PGM2: variants seen among roughly 807,000 people sequenced by gnomAD.
PGM2 encodes phosphoglucomutase 2.
PGM2 carries 57 observed loss-of-function variants against 74.6 expected under a neutral mutation model. The observed-to-expected ratio is 0.76, with a 90% CI of 0.62 to 0.95. The LOEUF is 0.95. PGM2 is among the 40% of genes least tolerant of loss of function. The pLI is 0.00. For synonymous variants in PGM2, 273 were observed against 260.7 expected (o/e 1.05, Z -0.46); for missense variants, 706 against 741.9 (o/e 0.95, Z 0.56).
At chr4:37,845,109 T>G (rs181968875) in intron 7 of PGM2, among the ~76,000 whole-genome samples, 2 of 152,214 alleles carry the variant, frequency 1.3e-5, no homozygotes, top group East Asian at 3.9e-4. Flanking sequence ...ATTCAGTTAA[T>G]TTAATTTAAT....
At chr4:37,859,150 A>G (rs141844422) in intron 13 of PGM2, among the ~76,000 whole-genome samples, 27 of 152,274 alleles carry the variant, frequency 1.8e-4, no homozygotes, top group African/African-American at 5.8e-4. Flanking sequence ...CTCACCATAT[A>G]TGTTATGTAT....
At chr4:37,836,759 T>C (rs911641287) in intron 3 of PGM2, among the ~76,000 whole-genome samples, 1 of 152,218 alleles carries the variant, frequency 6.6e-6, no homozygotes, top group Non-Finnish European at 1.5e-5. Context: ...TGCCATTTTC[T>C]GCGTCTTACC....
intron 3 of PGM2, among the ~76,000 whole-genome samples, chr4:37,836,971 G>A (rs1027589446): frequency 6.6e-6 from 1 of 152,156 alleles, no homozygotes; most frequent in African/African-American, 2.4e-5. Flanking sequence ...ACGCTGGATT[G>A]TGATAGGCTT....
At position 37,850,185 on chromosome 4, in the gene PGM2, T is replaced by G. The variant is rs200688556; in HGVS notation, c.1414T>G (p.Tyr472Asp). Reference protein sequence around the residue: ...SQQLKAIYVEYGYHITKASYF... With the variant: ...SQQLKAIYVEDGYHITKASYF... ...CATGAATTTGTATTTGTTTGATAGG[T>G]ATGGCTACCATATTACTAAAGCTTC... Residue 472 changes from tyrosine (Y) to aspartate (D), a missense_variant and splice_region_variant, in exon 12 of 14, where the codon TAT becomes GAT. Tyr to Asp is a radical substitution (Grantham distance 160, BLOSUM62 -3). Around this residue, in one of 3 missense-constraint regions of PGM2, gnomAD observed 359 missense variants for 371.1 expected, o/e 0.97. Coordinates refer to ENST00000381967, the MANE Select transcript of PGM2 (RefSeq NM_018290.4). 126 of 1,532,920 alleles carry G rather than the reference T, an allele frequency of 8.2e-5. No individual in the cohort carries two copies. Among genetic ancestry groups the G allele is most frequent in the Non-Finnish European group, 1.1e-4 (121 of 1,131,380 alleles). 95.0% of individuals were successfully genotyped at this position (1,532,920 alleles called of 1,614,324 possible).
At chr4:37,839,463 G>A (rs1280429622) in intron 4 of PGM2, 1 of 428,746 alleles carries the variant, frequency 2.3e-6, no homozygotes, top group Non-Finnish European at 4.6e-6. Flanking sequence ...GAGAAAGGAG[G>A]AGAGGGAGAA....
chr4:37,852,599 A>T (rs1473052277), intron 12 of PGM2, among the ~76,000 whole-genome samples: 1 of 152,226 alleles, frequency 6.6e-6, no homozygotes, highest in South Asian at 2.1e-4. Context: ...CACTTCACTG[A>T]CTCACAGTTT....
intron 3 of PGM2, 91 bp from the exon 4 acceptor site, chr4:37,837,438 A>C (rs1725596948): frequency 2.5e-6 from 2 of 811,830 alleles, no homozygotes; most frequent in Non-Finnish European, 4.4e-6. Flanking sequence ...ATTCACCCTA[A>C]AGAACATTCA....
rs1478631758 is a variant in PGM2, at chr4:37,839,110, AATT to A, written c.442-737_442-735del. Reference sequence around the variant, plus strand: ...TGTAAGAGCATTCTCCATTCCCTCAAATTTTTTTTTTTTTTTTTTTTTTTTGAG... The same window carrying A: ...TGTAAGAGCATTCTCCATTCCCTCAATTTTTTTTTTTTTTTTTTTTTTGAG... On this transcript the variant is annotated intron_variant, in intron 4 of 13. Coordinates refer to ENST00000381967, the MANE Select transcript of PGM2 (RefSeq NM_018290.4). Among the ~76,000 whole-genome samples the A allele has an allele frequency of 9.3e-5, 12 of 129,584 alleles. No individual in the cohort carries two copies. The East Asian group carries it at 1.9e-3, about 20-fold the overall frequency. 85.0% of individuals were successfully genotyped at this position (129,584 alleles called of 152,430 possible).
chr4:37,855,510 G>C (rs903607424), intron 12 of PGM2, 98 bp from the exon 13 acceptor site: 1 of 1,065,390 alleles, frequency 9.4e-7, no homozygotes, highest in South Asian at 1.7e-5. Flanking sequence ...CTAACCAATA[G>C]ATTTGTTTGG....
intron 4 of PGM2, among the ~76,000 whole-genome samples, chr4:37,838,665 A>G (rs968829015): frequency 6.6e-6 from 1 of 152,132 alleles, no homozygotes; most frequent in Non-Finnish European, 1.5e-5. Context: ...TAGACACTCT[A>G]TTCACATCTA....
chr4:37,850,333 T>G lies in PGM2; in HGVS notation c.1562T>G (p.Leu521Arg), dbSNP rs768629804. The G allele has an allele frequency of 6.3e-7, 1 of 1,578,132 alleles. No homozygotes were observed. The highest frequency in any genetic ancestry group is 1.2e-5 in the South Asian group (1 of 83,394). Reference sequence around the variant, plus strand: ...TTTGAAATTTCTGCCATTAGGGACCTTACAACTGGCTATGATGATAGCCAA... The same window carrying G: ...TTTGAAATTTCTGCCATTAGGGACCGTACAACTGGCTATGATGATAGCCAA... The part of the protein sequence containing the change: ...GKFEISAIRD[L>R]TTGYDDSQPD... The change falls in exon 12 of 14, where the codon CTT (leucine) becomes CGT (arginine). Residue 521 changes from leucine to arginine, a missense_variant. Coordinates refer to ENST00000381967, the MANE Select transcript of PGM2 (RefSeq NM_018290.4).
At chr4:37,829,891 G>T in intron 1 of PGM2, 73 bp from the exon 2 acceptor site, 1 of 724,588 alleles carries the variant, frequency 1.4e-6, no homozygotes, top group Non-Finnish European at 2.2e-6. Context: ...AGATTAGAAT[G>T]ATTGTGAATT....
At chr4:37,837,137 T>A (rs1725590500) in intron 3 of PGM2, among the ~76,000 whole-genome samples, 1 of 152,144 alleles carries the variant, frequency 6.6e-6, no homozygotes, top group Non-Finnish European at 1.5e-5. Context: ...TTTCCCAGCA[T>A]GACAAGCAAA....
At position 37,850,308 on chromosome 4, in the gene PGM2, T is replaced by C; in HGVS notation, c.1537T>C (p.Phe513Leu). 1 of 1,591,824 alleles carries C rather than the reference T, an allele frequency of 6.3e-7. No individual in the cohort carries two copies. Among genetic ancestry groups the C allele is most frequent in the East Asian group, 2.3e-5 (1 of 44,426 alleles). The change falls in exon 12 of 14, where the codon TTT (phenylalanine) becomes CTT (leucine). Residue 513 changes from phenylalanine (F) to leucine (L), a missense_variant. This residue lies in a region of PGM2 where 359 missense variants were observed against 371.1 expected (regional missense o/e 0.97). Transcript: ENST00000381967. ...TAATTATCCAAAAGCTTGTGGCAAA[T>C]TTGAAATTTCTGCCATTAGGGACCT... ...KNNYPKACGK[F>L]EISAIRDLTT... is the part of the protein sequence containing the mutation.
At chr4:37,832,254 A>C (rs1400171916) in intron 2 of PGM2, among the ~76,000 whole-genome samples, 1 of 152,268 alleles carries the variant, frequency 6.6e-6, no homozygotes, top group Non-Finnish European at 1.5e-5. Flanking sequence ...TTATCTGAGC[A>C]GCAAGTATAT....
intron 2 of PGM2, among the ~76,000 whole-genome samples, chr4:37,830,906 C>T (rs1346117174): frequency 6.6e-6 from 1 of 151,918 alleles, no homozygotes; most frequent in South Asian, 2.1e-4. Context: ...ATAGAATTAC[C>T]ACAGGGGCCA....
At position 37,841,100 on chromosome 4, in the gene PGM2, A is replaced by ATATATATATATATATG. The variant is rs1202149456; in HGVS notation, c.719+842_719+843insATATATATATATATGT. 1.9e-3 allele frequency among the ~76,000 whole-genome samples: 216 copies of ATATATATATATATATG among 115,662 alleles called. 1 individual carries two copies. Among genetic ancestry groups the ATATATATATATATATG allele is most frequent in the East Asian group, 0.017 (57 of 3,306 alleles). 75.9% of individuals were successfully genotyped at this position (115,662 alleles called of 152,430 possible). ...TATATATATATATATATATATATAT[A>ATATATATATATATATG]TGTGTGTGTGTGTGTTTGTATATGT... On this transcript the variant is annotated intron_variant, in intron 6 of 13. Transcript: ENST00000381967.
At chr4:37,831,267 T>A (rs1168303078) in intron 2 of PGM2, among the ~76,000 whole-genome samples, 1 of 149,626 alleles carries the variant, frequency 6.7e-6, no homozygotes, top group Admixed American at 6.7e-5. Flanking sequence ...TAGGGCTCCC[T>A]GAGATGCTGG....
At chr4:37,830,728 T>G (rs926381678) in intron 2 of PGM2, among the ~76,000 whole-genome samples, 1 of 152,244 alleles carries the variant, frequency 6.6e-6, no homozygotes, top group Non-Finnish European at 1.5e-5. Flanking sequence ...TCAGTATTTC[T>G]TCACCTTAGA....
Sources: allele counts gnomAD v4.1 joint callset (sites outside exome capture counted in the v4.1 genomes callset), GRCh38; gene constraint gnomAD v4.1.1; regional missense constraint gnomAD v4.1.1; transcripts MANE v1.5; gene names NCBI Gene and HGNC (gene_info 2026-07-23, HGNC 2026-07-21).